The following MTCH1 variants were observed in gnomAD, a reference collection of about 807,000 sequenced individuals.
MTCH1 encodes the protein mitochondrial carrier homolog 1.
MTCH1 carries 23 observed loss-of-function variants against 49.3 expected under a neutral mutation model. That is an observed-to-expected ratio of 0.47 (90% CI 0.34 to 0.66). The LOEUF (loss-of-function observed/expected upper bound fraction) is 0.66, where lower values mean the gene tolerates loss of function less well. Among genes scored for constraint, MTCH1 ranks in the 30% least tolerant of loss-of-function variants. The pLI is 0.01. For missense variants in MTCH1, 397 were observed against 532.1 expected (o/e 0.75, Z 2.50); for synonymous variants, 229 against 215.2 (o/e 1.06, Z -0.56).
intron 7 of MTCH1, among the ~76,000 whole-genome samples, chr6:36,975,141 A>G (rs765710641): frequency 7.2e-5 from 11 of 152,236 alleles, no homozygotes; most frequent in South Asian, 2.1e-4. Context: ...AGAACCGCTC[A>G]GCAGGACAAG....
Position 36,978,627 on chromosome 6 carries a change from G to A in MTCH1, c.407-16C>T. On this transcript the variant is annotated splice_polypyrimidine_tract_variant and intron_variant, in intron 2 of 11. Transcript: ENST00000373627. ...ATGTACTTGGCTGTAAGAAAACAGA[G>A]GTGGCAGAGGAGTCACACCCAGTTC... 1.2e-6 allele frequency: 2 copies of A among 1,611,716 alleles called. No homozygotes were observed. The highest frequency in any genetic ancestry group is 8.5e-7 in the Non-Finnish European group (1 of 1,178,300).
chr6:36,979,813 C>G (rs531742685), intron 2 of MTCH1, among the ~76,000 whole-genome samples: 114 of 152,178 alleles, frequency 7.5e-4, no homozygotes, highest in African/African-American at 2.6e-3. Context: ...AAACATCGAC[C>G]CTCTTCCATC....
intron 1 of MTCH1, among the ~76,000 whole-genome samples, chr6:36,985,260 G>A (rs75075084): frequency 0.018 from 2,711 of 152,104 alleles, 89 homozygotes; most frequent in African/African-American, 0.062. Flanking sequence ...TCCACCCCCA[G>A]TCTGGTGTCC....
At chr6:36,969,377 C>CA in intron 11 of MTCH1, 2 of 1,078,688 alleles carry the variant, frequency 1.9e-6, no homozygotes, top group African/African-American at 1.7e-5. Context: ...CGAGGCCACT[C>CA]AGAGTTCTGG....
Position 36,977,530 on chromosome 6 carries a change from A to C in MTCH1, c.649+104T>G. 1 of 805,252 alleles carries C rather than the reference A, an allele frequency of 1.2e-6. No individual in the cohort carries two copies. Among genetic ancestry groups the C allele is most frequent in the Non-Finnish European group, 2.0e-6 (1 of 491,980 alleles). The allele number at this position is 805,252 out of a possible 1,614,324, so 49.9% of individuals were successfully genotyped here. A position where few individuals can be genotyped will look rare whatever the true frequency, so the allele number is the denominator to read the frequency against. On this transcript the variant is annotated intron_variant, in intron 5 of 11. Coordinates refer to ENST00000373627, the MANE Select transcript of MTCH1 (RefSeq NM_001271641.2). The surrounding 1 kb of genome is among the most constrained non-coding windows in gnomAD (Gnocchi z 5.4). ...ACCCCCAACCCCACTACCACTTCCC[A>C]ACAGGTCTACGGCTGTCTATGTACA...
intron 2 of MTCH1, 67 bp from the exon 3 acceptor site, chr6:36,978,678 A>T: frequency 1.4e-6 from 2 of 1,399,952 alleles, no homozygotes; most frequent in Non-Finnish European, 2.0e-6. Context: ...TGGGTCACAC[A>T]CACCCAGACC....
rs1763547876 is a variant in MTCH1 at position 36,968,205 on chromosome 6, G to A, written c.*698C>T. 6.5e-6 allele frequency: 1 copy of A among 154,150 alleles called. No homozygotes were observed. The highest frequency in any genetic ancestry group is 2.0e-4 in the South Asian group (1 of 5,022). 9.5% of individuals were successfully genotyped at this position (154,150 alleles called of 1,614,324 possible). The stretch of plus-strand genomic sequence containing the variant: ...AAATCTTACCATGAACTTTAAAACT[G>A]GGTAGGACTAGAGACACTGATCTGC... On this transcript the variant is annotated 3_prime_UTR_variant, in exon 12 of 12. Coordinates refer to ENST00000373627, the MANE Select transcript of MTCH1 (RefSeq NM_001271641.2).
At position 36,986,181 on chromosome 6, in the gene MTCH1, G is replaced by A. The variant is rs926077615; in HGVS notation, c.-8C>T. 7 of 1,424,430 alleles carry A rather than the reference G, an allele frequency of 4.9e-6. No individual in the cohort carries two copies. In the African/African-American group the frequency reaches 6.1e-5, roughly 12 times the overall value. 88.2% of individuals were successfully genotyped at this position (1,424,430 alleles called of 1,614,324 possible). A position where few individuals can be genotyped will look rare whatever the true frequency, so the allele number is the denominator to read the frequency against. On this transcript the variant is annotated 5_prime_UTR_variant, in exon 1 of 12. Transcript: ENST00000373627. ...CGGGTCCGAAGCTCCCATGGCGCCC[G>A]GCGGCGAGGTCACTCCCCGTCACGT...
chr6:36,984,453 T>A (rs1764220330), intron 1 of MTCH1, among the ~76,000 whole-genome samples: 1 of 152,194 alleles, frequency 6.6e-6, no homozygotes, highest in Non-Finnish European at 1.5e-5. Context: ...ATTCCTCGGA[T>A]CCCAGATTTC....
chr6:36,978,414 G>A, intron 3 of MTCH1, 91 bp downstream of exon 3: 3 of 1,312,254 alleles, frequency 2.3e-6, no homozygotes, highest in Non-Finnish European at 3.2e-6. Flanking sequence ...CTGGGAAGGA[G>A]GAGGCAAGAC....
At chr6:36,981,495 C>A in intron 2 of MTCH1, 93 bp downstream of exon 2, 2 of 1,157,920 alleles carry the variant, frequency 1.7e-6, no homozygotes, top group Non-Finnish European at 2.5e-6. Context: ...TGCCATGCTG[C>A]GCAGTGAGTT....
At chr6:36,978,678 A>G in intron 2 of MTCH1, 67 bp from the exon 3 acceptor site, 1 of 1,399,952 alleles carries the variant, frequency 7.1e-7, no homozygotes, top group Non-Finnish European at 1.0e-6. Flanking sequence ...TGGGTCACAC[A>G]CACCCAGACC....
chr6:36,969,602 C>G (rs1763600264), intron 11 of MTCH1: 1 of 1,183,348 alleles, frequency 8.5e-7, no homozygotes, highest in Admixed American at 3.8e-5. Flanking sequence ...CTCCTGGGCC[C>G]AGGAATGTCC....
rs763929136 is a variant in MTCH1 at position 36,970,484 on chromosome 6, G to T, written c.955-11C>A. 1 of 1,614,164 alleles carries T rather than the reference G, an allele frequency of 6.2e-7. No homozygotes were observed. Among genetic ancestry groups the T allele is most frequent in the East Asian group, 2.2e-5 (1 of 44,894 alleles). ...CATGCTCACTGCAATCTGAAACCCA[G>T]AGAGGCCTGAGTGCCAGTGACCCAC... On this transcript the variant is annotated splice_polypyrimidine_tract_variant and intron_variant, in intron 9 of 11. Coordinates refer to ENST00000373627, the MANE Select transcript of MTCH1 (RefSeq NM_001271641.2).
Position 36,977,626 on chromosome 6 carries a change from T to C in MTCH1, c.649+8A>G. The C allele has an allele frequency of 6.3e-7, 1 of 1,590,400 alleles. No individual in the cohort carries two copies. Among genetic ancestry groups the C allele is most frequent in the Non-Finnish European group, 8.6e-7 (1 of 1,164,040 alleles). On this transcript the variant is annotated splice_region_variant and intron_variant, in intron 5 of 11. Coordinates refer to ENST00000373627, the MANE Select transcript of MTCH1 (RefSeq NM_001271641.2). The surrounding 1 kb of genome is among the most constrained non-coding windows in gnomAD (Gnocchi z 5.4). ...AGATACAGTCTCGGGGGAAGGGGGG[T>C]GGCTTACCATGCAGGGGGTGGGCCA...
intron 9 of MTCH1, 71 bp downstream of exon 9, chr6:36,970,576 C>T: frequency 1.2e-6 from 2 of 1,608,792 alleles, no homozygotes; most frequent in East Asian, 2.2e-5. Context: ...CAGCCATTAC[C>T]AGGGTTGGCC....
Position 36,968,863 on chromosome 6 carries a change from C to T in MTCH1, c.*40G>A, listed in dbSNP as rs745677060. On this transcript the variant is annotated 3_prime_UTR_variant, in exon 12 of 12. Coordinates refer to ENST00000373627, the MANE Select transcript of MTCH1 (RefSeq NM_001271641.2). ...TCCCAAGGTGGTCAGGCCTCACCCACGGTGGCCAGGTTGAGACCGTGTTTT... is the reference window on the plus strand; with the variant it reads ...TCCCAAGGTGGTCAGGCCTCACCCATGGTGGCCAGGTTGAGACCGTGTTTT... 5.6e-6 allele frequency: 9 copies of T among 1,613,140 alleles called. No individual in the cohort carries two copies. The highest frequency in any genetic ancestry group is 7.6e-6 in the Non-Finnish European group (9 of 1,179,360).
Position 36,977,842 on chromosome 6 carries a change from A to G in MTCH1, c.592-151T>C. On this transcript the variant is annotated intron_variant, in intron 4 of 11. Transcript: ENST00000373627. The surrounding 1 kb of genome is among the most constrained non-coding windows in gnomAD (Gnocchi z 5.4). The stretch of plus-strand genomic sequence containing the variant: ...CCAAGGATGGCTCCACCTGTTGCCC[A>G]CTCCCCAGTCCCCCACCCAGGAGTG... 1.3e-6 allele frequency: 1 copy of G among 795,746 alleles called. No individual in the cohort carries two copies. The highest frequency in any genetic ancestry group is 2.0e-6 in the Non-Finnish European group (1 of 490,236). 49.3% of individuals were successfully genotyped at this position (795,746 alleles called of 1,614,324 possible). A position where few individuals can be genotyped will look rare whatever the true frequency, so the allele number is the denominator to read the frequency against.
At chr6:36,969,274 G>A in intron 11 of MTCH1, 11 of 985,424 alleles carry the variant, frequency 1.1e-5, no homozygotes, top group Non-Finnish European at 1.3e-5. Flanking sequence ...AGTGCTCATA[G>A]GGAGGACGAG....
Sources: gnomAD v4.1 joint callset for allele counts (sites outside exome capture counted in the v4.1 genomes callset) on GRCh38, gnomAD v4.1.1 for gene constraint, Gnocchi (gnomAD v3.1) non-coding constraint, MANE v1.5 for transcripts, NCBI Gene and HGNC (gene_info 2026-07-23, HGNC 2026-07-21) for gene names.